Variants in UTP4 observed in about 807,000 individuals in gnomAD.
The protein encoded by UTP4 is UTP4 small subunit processome component.
UTP4 carries 45 observed loss-of-function variants against 82.4 expected under a neutral mutation model. The observed-to-expected ratio is 0.55, with a 90% confidence interval of 0.43 to 0.70. The LOEUF is 0.70. Among genes scored for constraint, UTP4 ranks in the 30% least tolerant of loss-of-function variants. UTP4 has a pLI of 0.00. For missense variants in UTP4, 819 were observed against 858.3 expected, an observed-to-expected ratio of 0.95 and a Z score of 0.57; for synonymous variants, 348 against 300.3, an observed-to-expected ratio of 1.16 and a Z score of -1.64.
chr16:69,135,707 C>A (rs1367074850), intron 2 of UTP4, among the ~76,000 whole-genome samples: 1 of 152,032 alleles, frequency 6.6e-6, no homozygotes, highest in Non-Finnish European at 1.5e-5. Context: ...CAAAATGAGA[C>A]CCTGTGTCAA....
chr16:69,165,583 C>A, intron 15 of UTP4, 57 bp downstream of exon 15: 1 of 1,399,110 alleles, frequency 7.1e-7, no homozygotes. Context: ...GTTCTAAAAG[C>A]AACAAGTACA....
At chr16:69,162,319 T>G (rs1053547473) in intron 13 of UTP4, among the ~76,000 whole-genome samples, 1 of 151,722 alleles carries the variant, frequency 6.6e-6, no homozygotes, top group African/African-American at 2.4e-5. Flanking sequence ...GGCTTACGCC[T>G]GTAATCCCAG....
In UTP4 at chr16:69,161,638, AACGCTGTTAGTTTTGT is replaced by A. The variant is rs1258998759; in HGVS notation, c.1551+1181_1551+1196del. 2.0e-5 allele frequency among the ~76,000 whole-genome samples: 3 copies of A among 152,222 alleles called. No homozygotes were observed. In the South Asian group the frequency reaches 6.2e-4, roughly 31 times the overall value. On this transcript the variant is annotated intron_variant, in intron 13 of 16. Transcript: ENST00000314423. ...AAGGCTTTACTCTCAGTTCTCCACAAACGCTGTTAGTTTTGTACGCGGTTAAATAAGCTTTTTATTT... is the reference window on the plus strand; with the variant it reads ...AAGGCTTTACTCTCAGTTCTCCACAAACGCGGTTAAATAAGCTTTTTATTT...
intron 3 of UTP4, among the ~76,000 whole-genome samples, chr16:69,137,154 T>C (rs1247701028): frequency 6.6e-6 from 1 of 152,164 alleles, no homozygotes; most frequent in Non-Finnish European, 1.5e-5. Context: ...GATGTAGAGG[T>C]TTTTTTGTTT....
chr16:69,165,225 G>T, intron 14 of UTP4, 116 bp from the exon 15 acceptor site: 11 of 823,648 alleles, frequency 1.3e-5, no homozygotes, highest in South Asian at 3.3e-5. Context: ...GGAGAGCATA[G>T]AATGAATATA....
At chr16:69,167,016 T>A (rs1461678765) in intron 15 of UTP4, 59 bp from the exon 16 acceptor site, 2 of 1,140,154 alleles carry the variant, frequency 1.8e-6, no homozygotes, top group Non-Finnish European at 2.7e-6. Context: ...CTACAGATCT[T>A]TGGTCTGCAG....
intron 2 of UTP4, among the ~76,000 whole-genome samples, chr16:69,135,150 A>G (rs1428545107): frequency 6.6e-6 from 1 of 152,050 alleles, no homozygotes; most frequent in Non-Finnish European, 1.5e-5. Flanking sequence ...TTATGAGGAT[A>G]GGAACCATGT....
intron 14 of UTP4, among the ~76,000 whole-genome samples, chr16:69,163,884 G>GTT (rs1216606701): frequency 0.019 from 2,382 of 126,186 alleles, 36 homozygotes; most frequent in Non-Finnish European, 0.026. Context: ...TGGTCAGTTT[G>GTT]TTTTTTTTTT....
chr16:69,164,216 A>C (rs751346813), intron 14 of UTP4, among the ~76,000 whole-genome samples: 113 of 152,050 alleles, frequency 7.4e-4, no homozygotes, highest in Non-Finnish European at 1.4e-3. Flanking sequence ...ACATGCACAC[A>C]CACACTGTCC....
chr16:69,155,646 A>G (rs1364176774), intron 10 of UTP4, among the ~76,000 whole-genome samples: 5 of 152,202 alleles, frequency 3.3e-5, no homozygotes, highest in African/African-American at 1.2e-4. Context: ...TCAAAGGGCC[A>G]AAATAAGAAT....
chr16:69,137,271 C>T (rs1014914703), intron 3 of UTP4, among the ~76,000 whole-genome samples: 3 of 152,144 alleles, frequency 2.0e-5, no homozygotes, highest in African/African-American at 7.2e-5. Flanking sequence ...CTGAGAGTCC[C>T]TTCAGCAAGT....
At position 69,153,634 on chromosome 16, in the gene UTP4, T is replaced by C. The variant is rs1196256985; in HGVS notation, c.1053T>C (p.Phe351=). 1 of 1,613,554 alleles carries C rather than the reference T, an allele frequency of 6.2e-7. No individual in the cohort carries two copies. Among genetic ancestry groups the C allele is most frequent in the Non-Finnish European group, 8.5e-7 (1 of 1,179,822 alleles). Residue 351 remains phenylalanine (F), a synonymous_variant, in exon 9 of 17, where the codon TTT becomes TTC. Coordinates refer to ENST00000314423, the MANE Select transcript of UTP4 (RefSeq NM_032830.3). The stretch of plus-strand genomic sequence containing the variant: ...AGAGGCAGCTTCTCCTCTTCCAGTT[T>C]GCTCATCACTTAGAACTTTGGCGAC... ...SKKRQLLLFQ[F]AHHLELWRLG...
chr16:69,139,915 G>A lies in UTP4; in HGVS notation c.526+1G>A. On this transcript the variant is annotated splice_donor_variant, in intron 5 of 16. Coordinates refer to ENST00000314423, the MANE Select transcript of UTP4 (RefSeq NM_032830.3). LOFTEE classifies it high-confidence loss of function. ...ATTAGTGTGTTTGATGTCAAATCAG[G>A]TGATTGTTTTTTTCAGTTCATTTGG... is the stretch of plus-strand genomic sequence containing the variant. The A allele has an allele frequency of 6.2e-7, 1 of 1,607,670 alleles. No homozygotes were observed. Among genetic ancestry groups the A allele is most frequent in the Non-Finnish European group, 8.5e-7 (1 of 1,174,202 alleles).
chr16:69,155,927 T>C lies in UTP4; in HGVS notation c.1221T>C (p.Tyr407=). ...CCCCATGTGGAAGTTGGATAGCCTA[T>C]TCTACAGTTTCTCGGTTTTTTCTCT... The part of the protein sequence containing the change: ...CISPCGSWIA[Y]STVSRFFLYR... The change falls in exon 11 of 17, where the codon TAT becomes TAC. Residue 407 remains tyrosine (Y), a synonymous_variant. Coordinates refer to ENST00000314423, the MANE Select transcript of UTP4 (RefSeq NM_032830.3). 1 of 1,614,066 alleles carries C rather than the reference T, an allele frequency of 6.2e-7. No homozygotes were observed. The highest frequency in any genetic ancestry group is 8.5e-7 in the Non-Finnish European group (1 of 1,179,914).
At position 69,155,937 on chromosome 16, in the gene UTP4, T is replaced by G. The variant is rs767076056; in HGVS notation, c.1231T>G (p.Ser411Ala). The G allele has an allele frequency of 2.5e-6, 4 of 1,614,104 alleles. No homozygotes were observed. Among genetic ancestry groups the G allele is most frequent in the Non-Finnish European group, 3.4e-6 (4 of 1,179,960 alleles). ...CGSWIAYSTV[S>A]RFFLYRLNYE... is the part of the protein sequence containing the mutation. ...AAGTTGGATAGCCTATTCTACAGTT[T>G]CTCGGTTTTTTCTCTATCGGCTGAA... The change falls in exon 11 of 17, where the codon TCT becomes GCT. Residue 411 changes from serine (S) to alanine (A), a missense_variant. Ser to Ala is a moderately conservative substitution (Grantham distance 99, BLOSUM62 1). Coordinates refer to ENST00000314423, the MANE Select transcript of UTP4 (RefSeq NM_032830.3).
At chr16:69,168,433 CAA>C (rs34234554) in intron 16 of UTP4, among the ~76,000 whole-genome samples, 19 of 51,600 alleles carry the variant, frequency 3.7e-4, no homozygotes, top group African/African-American at 1.1e-3. Flanking sequence ...GAGACTGTCT[CAA>C]AAAAAAAAAA....
At chr16:69,151,757 C>T (rs553634095) in intron 8 of UTP4, among the ~76,000 whole-genome samples, 8 of 151,920 alleles carry the variant, frequency 5.3e-5, no homozygotes, top group African/African-American at 1.4e-4. Context: ...TGCAGCAGCA[C>T]ACCTAGTTCA....
intron 16 of UTP4, 138 bp from the exon 17 acceptor site, chr16:69,168,683 G>A: frequency 1.4e-6 from 1 of 738,174 alleles, no homozygotes; most frequent in Non-Finnish European, 2.5e-6. Flanking sequence ...GGGCAGGAAA[G>A]ATTGTCAAGA....
At chr16:69,138,756 C>T (rs13338247) in intron 4 of UTP4, among the ~76,000 whole-genome samples, 22,530 of 152,024 alleles carry the variant, frequency 0.15, 1,775 homozygotes, top group Middle Eastern at 0.24. Context: ...CAAAAGCAGC[C>T]ATAGACGATA....
Sources: allele counts gnomAD v4.1 joint callset (sites outside exome capture counted in the v4.1 genomes callset), GRCh38; gene constraint gnomAD v4.1.1; transcripts MANE v1.5; gene names NCBI Gene and HGNC (gene_info 2026-07-23, HGNC 2026-07-21).